The following ARL3 variants were observed in gnomAD, a reference collection of about 807,000 sequenced individuals.
The protein encoded by ARL3 is ARF like GTPase 3, also known as ADP-ribosylation factor-like protein 3.
A neutral mutation model predicts 26.0 loss-of-function variants in ARL3; 9 were observed. The observed-to-expected ratio is 0.35, with a 90% CI of 0.21 to 0.60. ARL3 has a LOEUF of 0.60. Ranked by LOEUF, ARL3 falls within the 20% of genes least tolerant of loss-of-function variation. The pLI, the probability that ARL3 is intolerant of heterozygous loss-of-function variation, is 0.78. For missense variants in ARL3, 158 were observed against 215.7 expected (o/e 0.73, Z 1.67); for synonymous variants, 71 against 78.4 (o/e 0.91, Z 0.50).
At chr10:102,696,554 G>A (rs958828370) in intron 3 of ARL3, among the ~76,000 whole-genome samples, 2 of 152,166 alleles carry the variant, frequency 1.3e-5, no homozygotes, top group African/African-American at 2.4e-5. Flanking sequence ...GTGAGCCACC[G>A]CACCCGGCCA....
In ARL3 at chr10:102,714,283, C is replaced by G. The variant is rs1477501222; in HGVS notation, c.-8G>C. On this transcript the variant is annotated 5_prime_UTR_variant, in exon 1 of 6. Transcript: ENST00000260746. ...GGCCCCCACACTCACCATCCTCCCGCCGAGTCCCTCCTCCTCCTCCTCCTC... is the reference window on the plus strand; with the variant it reads ...GGCCCCCACACTCACCATCCTCCCGGCGAGTCCCTCCTCCTCCTCCTCCTC... 4.6e-6 allele frequency: 6 copies of G among 1,312,800 alleles called. No homozygotes were observed. The highest frequency in any genetic ancestry group is 4.9e-6 in the Non-Finnish European group (5 of 1,022,328). 81.3% of individuals were successfully genotyped at this position (1,312,800 alleles called of 1,614,324 possible).
Position 102,676,196 on chromosome 10 carries a change from G to A in ARL3, c.*698C>T, listed in dbSNP as rs2064129768. 1 of 150,012 alleles carries A rather than the reference G, an allele frequency of 6.7e-6. No individual in the cohort carries two copies. The highest frequency in any genetic ancestry group is 2.5e-5 in the African/African-American group (1 of 40,094). 9.3% of individuals were successfully genotyped at this position (150,012 alleles called of 1,614,324 possible). ...AAGAATTTGCTTCTCTGTGTGGCTGGCTGGGGCAGAGGCAGGGGTGGGTGG... is the reference window on the plus strand; with the variant it reads ...AAGAATTTGCTTCTCTGTGTGGCTGACTGGGGCAGAGGCAGGGGTGGGTGG... On this transcript the variant is annotated 3_prime_UTR_variant, in exon 6 of 6. Transcript: ENST00000260746.
chr10:102,688,359 G>A (rs2064198533), intron 4 of ARL3, among the ~76,000 whole-genome samples: 1 of 152,126 alleles, frequency 6.6e-6, no homozygotes, highest in South Asian at 2.1e-4. Flanking sequence ...AGGGTGGTGG[G>A]TTGTTTCCAG....
rs1197996763 is a variant in ARL3, at chr10:102,674,779, A to G, written c.*2115T>C. The stretch of plus-strand genomic sequence containing the variant: ...CAAAGGGAAGATGAAAGCGTGTGAC[A>G]TCTGCAGTGTCTCTGTGTCTCTGCA... On this transcript the variant is annotated 3_prime_UTR_variant, in exon 6 of 6. Coordinates refer to ENST00000260746, the MANE Select transcript of ARL3 (RefSeq NM_004311.4). 1 of 152,234 alleles carries G rather than the reference A, an allele frequency of 6.6e-6. No individual in the cohort carries two copies. The highest frequency in any genetic ancestry group is 1.5e-5 in the Non-Finnish European group (1 of 68,048). The allele number at this position is 152,234 out of a possible 1,614,324, so 9.4% of individuals were successfully genotyped here. A position where few individuals can be genotyped will look rare whatever the true frequency, so the allele number is the denominator to read the frequency against.
At chr10:102,680,751 G>A (rs766533117) in intron 5 of ARL3, among the ~76,000 whole-genome samples, 2 of 152,162 alleles carry the variant, frequency 1.3e-5, no homozygotes, top group East Asian at 1.9e-4. Flanking sequence ...TGCTGGTTAC[G>A]TGGTCACAGC....
chr10:102,699,404 C>T lies in ARL3; in HGVS notation c.233G>A (p.Trp78Ter), dbSNP rs748177469. 3.1e-6 allele frequency: 5 copies of T among 1,609,304 alleles called. No individual in the cohort carries two copies. Among genetic ancestry groups the T allele is most frequent in the Admixed American group, 1.7e-5 (1 of 59,940 alleles). Residue 78 changes from tryptophan (W) to a stop codon, truncating the protein, a stop_gained, in exon 3 of 6, where the codon TGG becomes TAG. Transcript: ENST00000260746. LOFTEE classifies it high-confidence loss of function. ...IGGQRKIRPY[W>*]KNYFENTDIL... is the part of the protein sequence containing the mutation. ...ATCGGTATTTTCAAAATAATTCTTC[C>T]AGTATGGTCTGATTTTCCTCTGTCC...
At chr10:102,684,714 C>T (rs577343570) in intron 5 of ARL3, among the ~76,000 whole-genome samples, 2 of 152,006 alleles carry the variant, frequency 1.3e-5, no homozygotes, top group Admixed American at 1.3e-4. Context: ...TCTTGGCTCA[C>T]TGGAACCTTC....
intron 1 of ARL3, among the ~76,000 whole-genome samples, chr10:102,708,908 A>ATATATATATATAC: frequency 1.0e-5 from 1 of 95,350 alleles, no homozygotes. Flanking sequence ...ATATATATAT[A>ATATATATATATAC]TTTTTTTTTT....
chr10:102,700,353 G>A (rs555397579), intron 2 of ARL3, among the ~76,000 whole-genome samples: 3 of 140,492 alleles, frequency 2.1e-5, no homozygotes, highest in East Asian at 4.4e-4. Context: ...AGGTTGCAGT[G>A]AGCTGAGATC....
intron 2 of ARL3, among the ~76,000 whole-genome samples, chr10:102,702,723 C>G (rs1316947043): frequency 1.3e-5 from 2 of 152,206 alleles, no homozygotes; most frequent in Non-Finnish European, 2.9e-5. Flanking sequence ...TCTTGACACA[C>G]TAATATGTGT....
At chr10:102,700,422 GT>G (rs2064273740) in intron 2 of ARL3, among the ~76,000 whole-genome samples, 2 of 41,812 alleles carry the variant, frequency 4.8e-5, no homozygotes, top group East Asian at 7.6e-4. Flanking sequence ...AAAAAAAAAA[GT>G]GCTTTCATAG....
intron 3 of ARL3, among the ~76,000 whole-genome samples, chr10:102,694,145 G>T (rs1341675807): frequency 6.6e-6 from 1 of 151,894 alleles, no homozygotes; most frequent in Non-Finnish European, 1.5e-5. Flanking sequence ...CTGCCACCGC[G>T]CCCGGCTAAT....
At chr10:102,696,409 C>G (rs372687023) in intron 3 of ARL3, among the ~76,000 whole-genome samples, 5 of 151,784 alleles carry the variant, frequency 3.3e-5, no homozygotes, top group Non-Finnish European at 7.4e-5. Flanking sequence ...GGATTACAGG[C>G]GCCCACCACC....
chr10:102,682,174 C>A (rs2064158702), intron 5 of ARL3, among the ~76,000 whole-genome samples: 1 of 152,162 alleles, frequency 6.6e-6, no homozygotes, highest in Admixed American at 6.5e-5. Flanking sequence ...AGTTTCTCCT[C>A]TTTCCGCTTT....
chr10:102,688,885 A>G (rs2064201994), intron 4 of ARL3, among the ~76,000 whole-genome samples: 1 of 152,240 alleles, frequency 6.6e-6, no homozygotes, highest in African/African-American at 2.4e-5. Context: ...AAAAATGTAA[A>G]TAAAAATGAG....
At chr10:102,680,891 G>T (rs954416611) in intron 5 of ARL3, among the ~76,000 whole-genome samples, 9 of 152,248 alleles carry the variant, frequency 5.9e-5, no homozygotes, top group East Asian at 5.8e-4. Flanking sequence ...CTCGCTATTA[G>T]TAGTTTTTTT....
chr10:102,714,385 TGAG>T lies in ARL3; in HGVS notation c.-113_-111del. ...TCCCTCGCACGCACAGCTGAGGAGC[TGAG>T]CAGCAATACGGGGCGGGGTGCAGCT... On this transcript the variant is annotated 5_prime_UTR_variant, in exon 1 of 6. Transcript: ENST00000260746. The T allele has an allele frequency of 8.7e-7, 1 of 1,144,082 alleles. No homozygotes were observed. Among genetic ancestry groups the T allele is most frequent in the Non-Finnish European group, 1.1e-6 (1 of 891,122 alleles). The allele number at this position is 1,144,082 out of a possible 1,614,324, so 70.9% of individuals were successfully genotyped here. A position where few individuals can be genotyped will look rare whatever the true frequency, so the allele number is the denominator to read the frequency against.
rs1019478634 is a variant in ARL3, at chr10:102,714,365, C to G, written c.-90G>C. On this transcript the variant is annotated 5_prime_UTR_variant, in exon 1 of 6. Coordinates refer to ENST00000260746, the MANE Select transcript of ARL3 (RefSeq NM_004311.4). ...CTGCGGCGCCGCCCCCGACGTCCCT[C>G]GCACGCACAGCTGAGGAGCTGAGCA... 1.6e-6 allele frequency: 2 copies of G among 1,231,310 alleles called. No homozygotes were observed. The highest frequency in any genetic ancestry group is 7.7e-5 in the South Asian group (2 of 26,142). 76.3% of individuals were successfully genotyped at this position (1,231,310 alleles called of 1,614,324 possible). A position where few individuals can be genotyped will look rare whatever the true frequency, so the allele number is the denominator to read the frequency against.
Position 102,705,372 on chromosome 10 carries a change from C to A in ARL3, c.121G>T (p.Asp41Tyr). ...TTLLKQLASEDISHITPTQGF... is the reference protein window; with the variant it reads ...TTLLKQLASEYISHITPTQGF... ...TGTGTAGGTGTGATGTGGCTGATGT[C>A]TTCAGATGCAAGCTGCTTCAGAAGA... Residue 41 changes from aspartate to tyrosine, a missense_variant, in exon 2 of 6, where the codon GAC becomes TAC. Asp to Tyr is a radical substitution (Grantham distance 160). Transcript: ENST00000260746. 6.2e-7 allele frequency: 1 copy of A among 1,610,034 alleles called. No individual in the cohort carries two copies. Among genetic ancestry groups the A allele is most frequent in the Non-Finnish European group, 8.5e-7 (1 of 1,177,590 alleles).
Sources: allele counts gnomAD v4.1 joint callset (sites outside exome capture counted in the v4.1 genomes callset), GRCh38; gene constraint gnomAD v4.1.1; transcripts MANE v1.5; gene names NCBI Gene and HGNC (gene_info 2026-07-23, HGNC 2026-07-21).